The following DUS2 variants were observed in gnomAD, a reference collection of about 807,000 sequenced individuals.
DUS2 encodes tRNA-dihydrouridine(20) synthase [NAD(P)+]-like.
A neutral mutation model predicts 71.3 loss-of-function variants in DUS2; 52 were observed. The ratio of observed to expected loss-of-function variants is 0.73; its 90% CI spans 0.58 to 0.92. DUS2 has a LOEUF of 0.92. Ranked by LOEUF, DUS2 falls within the 40% of genes least tolerant of loss-of-function variation. The probability of loss-of-function intolerance (pLI) is 0.00; values close to 1 mark genes in which losing one functional copy is unlikely to be tolerated. For synonymous variants in DUS2, 204 were observed against 227.8 expected (o/e 0.90, Z 0.94); for missense variants, 558 against 622.6 (o/e 0.90, Z 1.10).
Position 68,078,427 on chromosome 16 carries a change from C to T in DUS2, c.1171-18C>T. 1 of 1,613,470 alleles carries T rather than the reference C, an allele frequency of 6.2e-7. No individual in the cohort carries two copies. The highest frequency in any genetic ancestry group is 8.5e-7 in the Non-Finnish European group (1 of 1,179,496). ...GCTCATTTCTCTGGCCATGTGATTCCTTTTCTCTTTGTATCAGGTTCAACG... is the reference window on the plus strand; with the variant it reads ...GCTCATTTCTCTGGCCATGTGATTCTTTTTCTCTTTGTATCAGGTTCAACG... On this transcript the variant is annotated intron_variant, in intron 15 of 16. Coordinates refer to ENST00000565263, the MANE Select transcript of DUS2 (RefSeq NM_017803.5).
chr16:68,069,371 A>G (rs1449102434), intron 10 of DUS2, among the ~76,000 whole-genome samples: 1 of 152,192 alleles, frequency 6.6e-6, no homozygotes, highest in Non-Finnish European at 1.5e-5. Flanking sequence ...CTGGGCAACA[A>G]GAATGAAACA....
Position 68,035,884 on chromosome 16 carries a change from TTATATATATATATATATA to T in DUS2, c.-18-2093_-18-2076del, listed in dbSNP as rs71145987. 9.9e-3 allele frequency among the ~76,000 whole-genome samples: 1,123 copies of T among 113,306 alleles called. 23 individuals are homozygous for T. The highest frequency in any genetic ancestry group is 0.044 in the African/African-American group (996 of 22,476). The allele number at this position is 113,306 out of a possible 152,430, so 74.3% of individuals were successfully genotyped here. ...TGTGTACCACCACATCCCGCTAATT[TTATATATATATATATATA>T]TATATATATATATATATATATATAT... On this transcript the variant is annotated intron_variant, in intron 2 of 16. Coordinates refer to ENST00000565263, the MANE Select transcript of DUS2 (RefSeq NM_017803.5).
Position 68,066,340 on chromosome 16 carries a change from G to T in DUS2, c.441G>T (p.Gly147=). The T allele has an allele frequency of 6.2e-7, 1 of 1,614,200 alleles. No individual in the cohort carries two copies. The highest frequency in any genetic ancestry group is 8.5e-7 in the Non-Finnish European group (1 of 1,180,034). The change falls in exon 9 of 17, where the codon GGG becomes GGT. Residue 147 remains glycine (G), a synonymous_variant. Transcript: ENST00000565263. ...AGATCCTCAGCACTCTTGTTAAAGG[G>T]ACACGCAGACCTGTGACCTGCAAGA... is the stretch of plus-strand genomic sequence containing the variant. ...IEKILSTLVK[G]TRRPVTCKIR...
rs529258166 is a variant in DUS2, at chr16:68,076,993, A to G, written c.1170+274A>G. Among the ~76,000 whole-genome samples, 9 of 151,400 alleles carry G rather than the reference A, an allele frequency of 5.9e-5. No homozygotes were observed. The East Asian group carries it at 1.8e-3, about 30-fold the overall frequency. ...TGGTCTCAGCCGGGCACGGTGGCTC[A>G]TGCCTGTAATCCCACAACTTTGGGA... On this transcript the variant is annotated intron_variant, in intron 15 of 16. Coordinates refer to ENST00000565263, the MANE Select transcript of DUS2 (RefSeq NM_017803.5).
At chr16:68,036,808 A>G (rs2033536902) in intron 2 of DUS2, among the ~76,000 whole-genome samples, 1 of 152,150 alleles carries the variant, frequency 6.6e-6, no homozygotes, top group Non-Finnish European at 1.5e-5. Context: ...CTCTTGCCTC[A>G]GGACCTTTGC....
At chr16:68,049,406 C>T (rs769164139) in intron 3 of DUS2, 99 bp from the exon 4 acceptor site, 7 of 1,278,806 alleles carry the variant, frequency 5.5e-6, no homozygotes, top group East Asian at 4.6e-5. Context: ...GGTAGTAGGG[C>T]GACTGGCCAA....
Position 68,049,453 on chromosome 16 carries a change from GC to G in DUS2, c.127-49del. 1.9e-6 allele frequency: 3 copies of G among 1,593,420 alleles called. No individual in the cohort carries two copies. The South Asian group carries it at 3.3e-5, about 18-fold the overall frequency. On this transcript the variant is annotated intron_variant, in intron 3 of 16. Transcript: ENST00000565263. ...TAGGTGTGTGATGAAAATCCTTCAT[GC>G]CCAGAGCCTACATGTTCAGGAATGA...
rs77678465 is a variant in DUS2 at position 68,033,298 on chromosome 16, C to T, written c.-18-4708C>T. On this transcript the variant is annotated intron_variant, in intron 2 of 16. Coordinates refer to ENST00000565263, the MANE Select transcript of DUS2 (RefSeq NM_017803.5). ...GTTAGTTATATTTTGAAGGTTATTT[C>T]AATAGAAGTCAGTGATGGATTGAAT... 6.9e-3 allele frequency among the ~76,000 whole-genome samples: 1,048 copies of T among 151,992 alleles called. 18 individuals carry two copies. Among genetic ancestry groups the T allele is most frequent in the African/African-American group, 0.024 (976 of 41,448 alleles).
At chr16:68,037,695 A>G (rs2033553088) in intron 2 of DUS2, among the ~76,000 whole-genome samples, 1 of 152,064 alleles carries the variant, frequency 6.6e-6, no homozygotes, top group Admixed American at 6.6e-5. Flanking sequence ...TTGGGATTAC[A>G]GATGTGAACC....
At chr16:68,036,196 T>C (rs980246699) in intron 2 of DUS2, among the ~76,000 whole-genome samples, 3 of 150,546 alleles carry the variant, frequency 2.0e-5, no homozygotes, top group East Asian at 3.9e-4. Context: ...AGTCTTGCTC[T>C]GTCGCCCAGG....
chr16:68,050,931 G>A (rs550045682), intron 4 of DUS2, among the ~76,000 whole-genome samples: 1 of 152,218 alleles, frequency 6.6e-6, no homozygotes, highest in Non-Finnish European at 1.5e-5. Context: ...GTCATGAGCT[G>A]TCTCTGTCAG....
chr16:68,066,648 C>T lies in DUS2; in HGVS notation c.554+12C>T. 1 of 1,613,734 alleles carries T rather than the reference C, an allele frequency of 6.2e-7. No homozygotes were observed. The highest frequency in any genetic ancestry group is 1.1e-5 in the South Asian group (1 of 91,074). On this transcript the variant is annotated intron_variant, in intron 10 of 16. Coordinates refer to ENST00000565263, the MANE Select transcript of DUS2 (RefSeq NM_017803.5). ...GCAGTTCATGGGAGGTGAGTGGTCA[C>T]CTTTCTAGTGACTGGCAGGGAGGTC... is the stretch of plus-strand genomic sequence containing the variant.
intron 6 of DUS2, among the ~76,000 whole-genome samples, chr16:68,056,071 A>C (rs2033847474): frequency 6.6e-6 from 1 of 152,064 alleles, no homozygotes; most frequent in South Asian, 2.1e-4. Context: ...CAGTGTGCCC[A>C]TCTGAGTTAT....
At chr16:68,031,013 G>A (rs1417930338) in intron 2 of DUS2, among the ~76,000 whole-genome samples, 2 of 151,976 alleles carry the variant, frequency 1.3e-5, no homozygotes, top group Non-Finnish European at 2.9e-5. Context: ...CAAAGTGATG[G>A]GATTACAGGT....
chr16:68,059,811 C>T (rs1178229466), intron 7 of DUS2, among the ~76,000 whole-genome samples: 4 of 152,166 alleles, frequency 2.6e-5, no homozygotes, highest in African/African-American at 9.7e-5. Flanking sequence ...AGATCCCCCT[C>T]CTCCATTATT....
At chr16:68,064,788 ACTGT>A (rs2033983905) in intron 8 of DUS2, among the ~76,000 whole-genome samples, 1 of 152,154 alleles carries the variant, frequency 6.6e-6, no homozygotes, top group Admixed American at 6.5e-5. Context: ...TTGCTCATGA[ACTGT>A]CTGTCAGTCC....
chr16:68,073,280 A>T (rs960555916), intron 12 of DUS2, among the ~76,000 whole-genome samples: 1 of 151,892 alleles, frequency 6.6e-6, no homozygotes, highest in Non-Finnish European at 1.5e-5. Context: ...TTTTATTTTT[A>T]TTTTTAATTT....
chr16:68,047,026 A>G lies in DUS2; in HGVS notation c.127-2479A>G, dbSNP rs1162407152. On this transcript the variant is annotated intron_variant, in intron 3 of 16. Coordinates refer to ENST00000565263, the MANE Select transcript of DUS2 (RefSeq NM_017803.5). The stretch of plus-strand genomic sequence containing the variant: ...TGGCTTCCCAAAGTGCTGGGATTAC[A>G]GGCGTGAGCCACCATGCCCGGCCTT... 5.5e-5 allele frequency among the ~76,000 whole-genome samples: 8 copies of G among 146,024 alleles called. No individual in the cohort carries two copies. In the Admixed American group the frequency reaches 5.5e-4, roughly 10 times the overall value.
chr16:68,057,201 T>C (rs2033871791), intron 7 of DUS2, among the ~76,000 whole-genome samples: 1 of 143,494 alleles, frequency 7.0e-6, no homozygotes, highest in Admixed American at 7.3e-5. Context: ...ATATTACATA[T>C]ATAAATGTAT....
Sources: gnomAD v4.1 joint callset for allele counts (sites outside exome capture counted in the v4.1 genomes callset) on GRCh38, gnomAD v4.1.1 for gene constraint, MANE v1.5 for transcripts, NCBI Gene and HGNC (gene_info 2026-07-23, HGNC 2026-07-21) for gene names.